CRYZL1: variants seen among roughly 807,000 people sequenced by gnomAD.
The protein encoded by CRYZL1 is crystallin zeta like 1, also known as ferry endosomal RAB5 effector complex subunit 4.
Under a neutral mutation model 50.6 loss-of-function variants are expected in CRYZL1, and 34 were observed. That is an observed-to-expected ratio of 0.67 (90% CI 0.51 to 0.89). CRYZL1 has a LOEUF of 0.89. Ranked by LOEUF, CRYZL1 falls within the 40% of genes least tolerant of loss-of-function variation. The probability of loss-of-function intolerance (pLI) is 0.00; values close to 1 mark genes in which losing one functional copy is unlikely to be tolerated. For synonymous variants in CRYZL1, 125 were observed against 134.3 expected (o/e 0.93, Z 0.48); for missense variants, 354 against 402.3 (o/e 0.88, Z 1.03).
intron 2 of CRYZL1, among the ~76,000 whole-genome samples, chr21:33,629,216 C>G (rs770089055): frequency 5.9e-5 from 9 of 152,044 alleles, no homozygotes; most frequent in Non-Finnish European, 1.3e-4. Flanking sequence ...TGGCGCAAGA[C>G]CCTGTCTCAA....
At position 33,613,614 on chromosome 21, in the gene CRYZL1, T is replaced by C. The variant is rs778472394; in HGVS notation, c.263-8A>G. 1 of 1,604,616 alleles carries C rather than the reference T, an allele frequency of 6.2e-7. No homozygotes were observed. The highest frequency in any genetic ancestry group is 1.3e-5 in the African/African-American group (1 of 74,634). Reference sequence around the variant, plus strand: ...AGTCCAGGGGCAAAATTCCTAAAAATCAAAACAAGAAATTAAAGGGATGTA... The same window carrying C: ...AGTCCAGGGGCAAAATTCCTAAAAACCAAAACAAGAAATTAAAGGGATGTA... On this transcript the variant is annotated splice_region_variant and splice_polypyrimidine_tract_variant and intron_variant, in intron 5 of 12. Coordinates refer to ENST00000381554, the MANE Select transcript of CRYZL1 (RefSeq NM_145858.3).
intron 6 of CRYZL1, among the ~76,000 whole-genome samples, chr21:33,610,679 A>G (rs1197514507): frequency 6.7e-6 from 1 of 149,976 alleles, no homozygotes; most frequent in East Asian, 1.9e-4. Flanking sequence ...TCCATGTCAT[A>G]ATTCTCCAGT....
rs1320056983 is a variant in CRYZL1 at position 33,599,219 on chromosome 21, C to T, written c.607G>A (p.Val203Ile). The change falls in exon 9 of 13, where the codon GTT becomes ATT. Residue 203 changes from valine (V) to isoleucine (I), a missense_variant. Transcript: ENST00000381554. ...ARVIDVSNGKVHVAESCLEET... is the reference protein window; with the variant it reads ...ARVIDVSNGKIHVAESCLEET... ...TCCAAACAGCTTTCAGCAACATGAA[C>T]TTTCCCATTAGATACATCAATCACT... is the stretch of plus-strand genomic sequence containing the variant. 1.9e-6 allele frequency: 3 copies of T among 1,613,952 alleles called. No homozygotes were observed. The highest frequency in any genetic ancestry group is 2.2e-5 in the East Asian group (1 of 44,864).
chr21:33,606,625 C>CA (rs201547376), intron 6 of CRYZL1, among the ~76,000 whole-genome samples: 1,804 of 148,176 alleles, frequency 0.012, 14 homozygotes, highest in Admixed American at 0.021. Flanking sequence ...GACTTTGTCT[C>CA]AAAAAAAAAA....
intron 11 of CRYZL1, 36 bp downstream of exon 11, chr21:33,595,695 C>G: frequency 1.2e-6 from 2 of 1,611,564 alleles, no homozygotes; most frequent in Non-Finnish European, 1.7e-6. Context: ...GTACAAAGTT[C>G]AAGCCAGAAA....
intron 9 of CRYZL1, 38 bp from the exon 10 acceptor site, chr21:33,597,439 G>C: frequency 7.1e-7 from 1 of 1,407,212 alleles, no homozygotes; most frequent in Non-Finnish European, 9.9e-7. Flanking sequence ...AGAGAGAGAA[G>C]AAATATATTT....
intron 1 of CRYZL1, chr21:33,641,262 A>G (rs1568805539): frequency 1.9e-6 from 3 of 1,550,554 alleles, no homozygotes; most frequent in Admixed American, 2.0e-5. Flanking sequence ...ATAACTACTA[A>G]CTGCTTTCCG....
At chr21:33,610,270 G>A (rs1005439740) in intron 6 of CRYZL1, among the ~76,000 whole-genome samples, 1 of 151,536 alleles carries the variant, frequency 6.6e-6, no homozygotes, top group Non-Finnish European at 1.5e-5. Context: ...AGCGAGTCTC[G>A]TGCCTCATCC....
intron 11 of CRYZL1, 182 bp downstream of exon 11, chr21:33,595,549 C>T (rs1036315295): frequency 2.4e-6 from 3 of 1,261,988 alleles, no homozygotes; most frequent in Non-Finnish European, 3.4e-6. Flanking sequence ...GGGATGATAA[C>T]AGTACTTACA....
chr21:33,603,683 A>G (rs1203567601), intron 6 of CRYZL1, 146 bp from the exon 7 acceptor site: 1 of 795,476 alleles, frequency 1.3e-6, no homozygotes, highest in East Asian at 2.7e-5. Flanking sequence ...ACTTTCCATT[A>G]TTTGCCCATG....
intron 4 of CRYZL1, among the ~76,000 whole-genome samples, chr21:33,618,085 C>T (rs949790768): frequency 2.6e-5 from 4 of 151,718 alleles, no homozygotes; most frequent in South Asian, 2.1e-4. Flanking sequence ...GTCAGGAGAT[C>T]AAGACCATCC....
intron 1 of CRYZL1, among the ~76,000 whole-genome samples, chr21:33,636,842 T>A (rs1240510879): frequency 6.6e-6 from 1 of 152,202 alleles, no homozygotes; most frequent in East Asian, 1.9e-4. Context: ...AGTTTCACTC[T>A]GTCGCCCAGG....
chr21:33,625,407 G>A (rs967079646), intron 2 of CRYZL1, among the ~76,000 whole-genome samples: 2 of 152,082 alleles, frequency 1.3e-5, no homozygotes, highest in East Asian at 1.9e-4. Context: ...CGCCCGCCTC[G>A]GCCTCCCAAA....
chr21:33,628,980 A>G (rs1023131154), intron 2 of CRYZL1, among the ~76,000 whole-genome samples: 1 of 151,928 alleles, frequency 6.6e-6, no homozygotes, highest in Non-Finnish European at 1.5e-5. Flanking sequence ...CTATAATTCC[A>G]GCACTTTGGG....
chr21:33,591,299 T>C, intron 11 of CRYZL1, 92 bp from the exon 12 acceptor site: 2 of 1,033,226 alleles, frequency 1.9e-6, no homozygotes, highest in South Asian at 1.3e-5. Flanking sequence ...CACTTTCTCT[T>C]GTTTCAAGTT....
At chr21:33,600,928 A>T (rs1024067833) in intron 8 of CRYZL1, among the ~76,000 whole-genome samples, 8 of 125,652 alleles carry the variant, frequency 6.4e-5, no homozygotes, top group African/African-American at 2.4e-4. Flanking sequence ...TGCCCGGTCC[A>T]TAAAGTTTTT....
intron 8 of CRYZL1, among the ~76,000 whole-genome samples, chr21:33,601,473 C>T (rs914678543): frequency 6.6e-6 from 1 of 152,120 alleles, no homozygotes; most frequent in Non-Finnish European, 1.5e-5. Context: ...TCTAGTTCTT[C>T]CACACCCAGC....
chr21:33,636,010 C>G (rs2087202731), intron 1 of CRYZL1, among the ~76,000 whole-genome samples: 1 of 151,936 alleles, frequency 6.6e-6, no homozygotes. Context: ...ATAAATAAAA[C>G]AAAATATATA....
chr21:33,637,524 G>A (rs369776622), intron 1 of CRYZL1, among the ~76,000 whole-genome samples: 26 of 151,138 alleles, frequency 1.7e-4, no homozygotes, highest in African/African-American at 6.1e-4. Context: ...TGTGGCGATA[G>A]GCTGCCAAAT....
Sources: gnomAD v4.1 joint callset for allele counts (sites outside exome capture counted in the v4.1 genomes callset) on GRCh38, gnomAD v4.1.1 for gene constraint, MANE v1.5 for transcripts, NCBI Gene and HGNC (gene_info 2026-07-23, HGNC 2026-07-21) for gene names.